Variants in EPC2 observed in about 807,000 individuals in gnomAD.
The protein encoded by EPC2 is enhancer of polycomb homolog 2.
In EPC2, 14 loss-of-function variants were observed where a neutral mutation model predicts 92.1. The observed-to-expected ratio is 0.15, with a 90% CI of 0.10 to 0.24. The LOEUF is 0.24. EPC2 is among the 10% of genes least tolerant of loss of function. The probability of loss-of-function intolerance (pLI) is 1.00; values close to 1 mark genes in which losing one functional copy is unlikely to be tolerated. For synonymous variants in EPC2, 340 were observed against 334.7 expected, an observed-to-expected ratio of 1.02 and a Z score of -0.17; for missense variants, 755 against 971.5, an observed-to-expected ratio of 0.78 and a Z score of 2.96.
chr2:148,650,151 T>G lies in EPC2; in HGVS notation c.153+4981T>G, dbSNP rs544004357. 4.4e-4 allele frequency among the ~76,000 whole-genome samples: 67 copies of G among 152,322 alleles called. 1 individual carries two copies. Among genetic ancestry groups the G allele is most frequent in the African/African-American group, 1.4e-3 (60 of 41,582 alleles). ...TTTGCTTATTTTGCTCATTAATATA[T>G]TCCAAGTGCCTGGAACTGTGCCTGG... On this transcript the variant is annotated intron_variant, in intron 1 of 13. Coordinates refer to ENST00000258484, the MANE Select transcript of EPC2 (RefSeq NM_015630.4).
intron 2 of EPC2, among the ~76,000 whole-genome samples, chr2:148,698,410 G>A (rs1226933852): frequency 6.6e-6 from 1 of 152,028 alleles, no homozygotes; most frequent in Non-Finnish European, 1.5e-5. Flanking sequence ...GGCTGAGGCG[G>A]GTGGATCACG....
chr2:148,780,308 A>G (rs1010348681), intron 10 of EPC2, among the ~76,000 whole-genome samples: 2 of 152,178 alleles, frequency 1.3e-5, no homozygotes, highest in African/African-American at 4.8e-5. Flanking sequence ...TGGAACAGAA[A>G]TGAGAGTGTA....
In EPC2 at chr2:148,784,730, G is replaced by A. The variant is rs1485366788; in HGVS notation, c.2080G>A (p.Val694Ile). 6 of 1,613,650 alleles carry A rather than the reference G, an allele frequency of 3.7e-6. No individual in the cohort carries two copies. Among genetic ancestry groups the A allele is most frequent in the South Asian group, 2.2e-5 (2 of 91,070 alleles). The change falls in exon 13 of 14, where the codon GTA becomes ATA. Residue 694 changes from valine (V) to isoleucine (I), a missense_variant. By Grantham distance (29) the Val-to-Ile change is conservative. Around this residue, in one of 4 missense-constraint regions of EPC2, gnomAD observed 207 missense variants for 260.5 expected, o/e 0.79. Transcript: ENST00000258484. Reference protein sequence around the residue: ...ALSSSPGISAVQLVRTVGHTT... With the variant: ...ALSSSPGISAIQLVRTVGHTT... ...ATCATCCAGCCCAGGGATTTCAGCT[G>A]TACAGCTTGTAAGGACAGTTGGCCA...
intron 1 of EPC2, among the ~76,000 whole-genome samples, chr2:148,645,822 G>T (rs923702714): frequency 2.6e-5 from 4 of 152,196 alleles, no homozygotes; most frequent in Non-Finnish European, 4.4e-5. Context: ...GACGGGCTCT[G>T]CCTGCTCCGC....
intron 2 of EPC2, among the ~76,000 whole-genome samples, chr2:148,696,403 CATTTATTT>C (rs991334346): frequency 7.7e-4 from 117 of 152,054 alleles, no homozygotes; most frequent in Non-Finnish European, 9.6e-4. Flanking sequence ...AGGCTATGTG[CATTTATTT>C]ATGTCCACTT....
chr2:148,737,417 T>G (rs1682779584), intron 2 of EPC2, among the ~76,000 whole-genome samples: 1 of 152,176 alleles, frequency 6.6e-6, no homozygotes, highest in East Asian at 1.9e-4. Context: ...GTCTTATTCC[T>G]GGGTGGCTGA....
chr2:148,720,463 G>A (rs1436536303), intron 2 of EPC2, among the ~76,000 whole-genome samples: 3 of 152,158 alleles, frequency 2.0e-5, no homozygotes, highest in African/African-American at 7.2e-5. Context: ...AACCCCTCTC[G>A]GGGGGTATAT....
At chr2:148,652,063 A>G (rs1377486885) in intron 1 of EPC2, among the ~76,000 whole-genome samples, 1 of 152,154 alleles carries the variant, frequency 6.6e-6, no homozygotes, top group East Asian at 1.9e-4. Context: ...TTATTTTCCC[A>G]TTTAAAGTTC....
intron 2 of EPC2, among the ~76,000 whole-genome samples, chr2:148,738,315 A>G (rs1290731667): frequency 6.6e-6 from 1 of 152,234 alleles, no homozygotes; most frequent in Non-Finnish European, 1.5e-5. Context: ...GTGATCCCAC[A>G]GATACCCTGT....
chr2:148,654,486 C>T (rs1029195739), intron 1 of EPC2, among the ~76,000 whole-genome samples: 5 of 151,966 alleles, frequency 3.3e-5, no homozygotes, highest in African/African-American at 9.7e-5. Context: ...AGTATGGCTT[C>T]GTGTCTACAA....
intron 13 of EPC2, among the ~76,000 whole-genome samples, chr2:148,785,690 A>T (rs910104985): frequency 6.6e-6 from 1 of 152,206 alleles, no homozygotes; most frequent in African/African-American, 2.4e-5. Flanking sequence ...GCCAGAGTTT[A>T]GGTTTCACAT....
intron 1 of EPC2, among the ~76,000 whole-genome samples, chr2:148,661,009 C>G (rs1242873156): frequency 6.6e-6 from 1 of 151,734 alleles, no homozygotes; most frequent in East Asian, 1.9e-4. Flanking sequence ...AGTCACTTCC[C>G]CTTACTCATT....
intron 4 of EPC2, among the ~76,000 whole-genome samples, chr2:148,755,681 C>G (rs1683176692): frequency 6.6e-6 from 1 of 152,182 alleles, no homozygotes; most frequent in Non-Finnish European, 1.5e-5. Flanking sequence ...GCTATACCTT[C>G]TAGGTTTATG....
chr2:148,784,590 T>C, intron 12 of EPC2, 78 bp from the exon 13 acceptor site: 1 of 1,092,812 alleles, frequency 9.2e-7, no homozygotes, highest in Non-Finnish European at 1.3e-6. Context: ...CAAATGTTCG[T>C]ATTTATTTTA....
intron 1 of EPC2, among the ~76,000 whole-genome samples, chr2:148,648,977 C>T (rs1409081191): frequency 6.6e-6 from 1 of 152,148 alleles, no homozygotes; most frequent in African/African-American, 2.4e-5. Flanking sequence ...ATGCTCCTCA[C>T]GGCACTTGGT....
Position 148,740,114 on chromosome 2 carries a change from A to G in EPC2, c.314-3508A>G, listed in dbSNP as rs544382587. On this transcript the variant is annotated intron_variant, in intron 2 of 13. Coordinates refer to ENST00000258484, the MANE Select transcript of EPC2 (RefSeq NM_015630.4). The stretch of plus-strand genomic sequence containing the variant: ...GCAGGAGAAAGCTATCTGGGTTTCA[A>G]AAAGTGAGGTATCAATCAACTTAAA... Among the ~76,000 whole-genome samples the G allele has an allele frequency of 1.4e-4, 22 of 152,070 alleles. No homozygotes were observed. In the South Asian group the frequency reaches 2.7e-3, roughly 19 times the overall value.
intron 1 of EPC2, among the ~76,000 whole-genome samples, chr2:148,684,756 A>AGT (rs1207703340): frequency 2.0e-5 from 3 of 152,226 alleles, no homozygotes; most frequent in African/African-American, 7.2e-5. Context: ...TGGGTTATAC[A>AGT]GTCAAGACAG....
At chr2:148,658,472 T>C (rs888159133) in intron 1 of EPC2, among the ~76,000 whole-genome samples, 24 of 152,188 alleles carry the variant, frequency 1.6e-4, no homozygotes, top group African/African-American at 5.8e-4. Context: ...ATATGTCAGG[T>C]GGGCAACTCA....
intron 3 of EPC2, 140 bp downstream of exon 3, chr2:148,743,907 A>T: frequency 1.7e-6 from 1 of 600,850 alleles, no homozygotes; most frequent in Non-Finnish European, 2.7e-6. Context: ...ATGTTCCGTG[A>T]GTGGAGAGTA....
Sources: allele counts gnomAD v4.1 joint callset (sites outside exome capture counted in the v4.1 genomes callset), GRCh38; gene constraint gnomAD v4.1.1; regional missense constraint gnomAD v4.1.1; transcripts MANE v1.5; gene names NCBI Gene and HGNC (gene_info 2026-07-23, HGNC 2026-07-21).